FMN2: variants seen among roughly 807,000 people sequenced by gnomAD.
The protein encoded by FMN2 is formin-2.
FMN2 carries 51 observed loss-of-function variants against 142.3 expected under a neutral mutation model. That is an observed-to-expected ratio of 0.36 (90% CI 0.29 to 0.45). The LOEUF is 0.45. Among genes scored for constraint, FMN2 ranks in the 20% least tolerant of loss-of-function variants. FMN2 has a pLI of 1.00. For synonymous variants in FMN2, 882 were observed against 869.8 expected (o/e 1.01, Z -0.25); for missense variants, 1,936 against 2,122.8 (o/e 0.91, Z 1.73).
intron 14 of FMN2, among the ~76,000 whole-genome samples, chr1:240,359,799 C>T (rs1012547800): frequency 6.6e-6 from 1 of 152,188 alleles, no homozygotes; most frequent in Non-Finnish European, 1.5e-5. Flanking sequence ...TTCTGACGGC[C>T]ACCTGGCTTT....
At chr1:240,153,332 A>G (rs1663862639) in intron 2 of FMN2, among the ~76,000 whole-genome samples, 1 of 147,656 alleles carries the variant, frequency 6.8e-6, no homozygotes, top group African/African-American at 2.5e-5. Context: ...ATATCATCTC[A>G]TTTAATCTCA....
chr1:240,100,676 C>T (rs1473420690), intron 1 of FMN2, among the ~76,000 whole-genome samples: 1 of 152,142 alleles, frequency 6.6e-6, no homozygotes, highest in African/African-American at 2.4e-5. Context: ...TGTCTTCTTC[C>T]TTTGTAAAGA....
intron 1 of FMN2, among the ~76,000 whole-genome samples, chr1:240,113,089 C>T (rs1336624114): frequency 1.3e-5 from 2 of 152,074 alleles, no homozygotes; most frequent in Non-Finnish European, 2.9e-5. Flanking sequence ...CAATGATTTT[C>T]ATTTATTGGT....
chr1:240,393,848 A>T (rs1056343407), intron 15 of FMN2, among the ~76,000 whole-genome samples: 3 of 152,202 alleles, frequency 2.0e-5, no homozygotes, highest in Non-Finnish European at 4.4e-5. Context: ...AGTCTGTTAC[A>T]CAATAGTCTG....
intron 4 of FMN2, among the ~76,000 whole-genome samples, chr1:240,189,960 G>T (rs7544483): frequency 1.3e-5 from 2 of 151,918 alleles, no homozygotes; most frequent in Non-Finnish European, 2.9e-5. Context: ...TGTTCAGGAC[G>T]TATATGAATC....
chr1:240,180,227 A>G (rs767058166), intron 3 of FMN2: 256 of 1,220,570 alleles, frequency 2.1e-4, no homozygotes, highest in Middle Eastern at 1.1e-3. Context: ...TTGTTGATCT[A>G]TAAACCCCAG....
rs1340051038 is a variant in FMN2, at chr1:240,148,385, GAC to G, written c.1782+25042_1782+25043del. ...ACAGAGACAGAGAGAGAGAGAGAAAGACAGAGAGAAAGACAGAGAGACAGAGA... is the reference window on the plus strand; with the variant it reads ...ACAGAGACAGAGAGAGAGAGAGAAAGAGAGAGAAAGACAGAGAGACAGAGA... On this transcript the variant is annotated intron_variant, in intron 2 of 17. Coordinates refer to ENST00000319653, the MANE Select transcript of FMN2 (RefSeq NM_020066.5). Among the ~76,000 whole-genome samples the G allele has an allele frequency of 6.1e-3, 855 of 140,912 alleles. 12 individuals carry two copies. Among genetic ancestry groups the G allele is most frequent in the African/African-American group, 0.024 (811 of 34,314 alleles). The allele number at this position is 140,912 out of a possible 152,430, so 92.4% of individuals were successfully genotyped here. A position where few individuals can be genotyped will look rare whatever the true frequency, so the allele number is the denominator to read the frequency against.
intron 1 of FMN2, among the ~76,000 whole-genome samples, chr1:240,112,537 G>A (rs1189586231): frequency 6.6e-6 from 1 of 152,164 alleles, no homozygotes; most frequent in South Asian, 2.1e-4. Context: ...AGGAAAGGGA[G>A]CAGAAAGAGC....
At chr1:240,177,351 C>T (rs1664959202) in intron 2 of FMN2, among the ~76,000 whole-genome samples, 1 of 148,112 alleles carries the variant, frequency 6.8e-6, no homozygotes, top group African/African-American at 2.5e-5. Flanking sequence ...CAGAAGATCC[C>T]TATTCAATTC....
In FMN2 at chr1:240,371,123, T is replaced by C. The variant is rs866570288; in HGVS notation, c.4858+15215T>C. Among the ~76,000 whole-genome samples, 14 of 151,912 alleles carry C rather than the reference T, an allele frequency of 9.2e-5. No homozygotes were observed. The South Asian group carries it at 1.0e-3, about 11-fold the overall frequency. ...CCAGCTGATTTTTTTTTATTTTTTG[T>C]TTTTTGGTTTTTTTTTGGTAGAGAC... On this transcript the variant is annotated intron_variant, in intron 14 of 17. Transcript: ENST00000319653.
chr1:240,388,709 A>C (rs943497954), intron 14 of FMN2, among the ~76,000 whole-genome samples: 8 of 152,040 alleles, frequency 5.3e-5, no homozygotes, highest in Non-Finnish European at 1.0e-4. Flanking sequence ...TAAAACTACA[A>C]AAATTAGCTG....
intron 11 of FMN2, 77 bp downstream of exon 11, chr1:240,330,826 C>T: frequency 1.3e-6 from 2 of 1,510,562 alleles, no homozygotes; most frequent in Non-Finnish European, 1.8e-6. Context: ...GAATGTAAAG[C>T]AGTTGTAAAA....
At chr1:240,304,645 A>G (rs1670315988) in intron 8 of FMN2, among the ~76,000 whole-genome samples, 1 of 152,146 alleles carries the variant, frequency 6.6e-6, no homozygotes, top group Non-Finnish European at 1.5e-5. Flanking sequence ...CAGTGGGGGG[A>G]CAGAGGCTCA....
intron 7 of FMN2, among the ~76,000 whole-genome samples, chr1:240,258,345 T>C (rs943312616): frequency 1.3e-5 from 2 of 152,282 alleles, no homozygotes; most frequent in East Asian, 1.9e-4. Context: ...CTCACAGTTC[T>C]AGGAGGCTGA....
At chr1:240,274,829 AT>A (rs1362643503) in intron 7 of FMN2, among the ~76,000 whole-genome samples, 1 of 152,126 alleles carries the variant, frequency 6.6e-6, no homozygotes, top group Non-Finnish European at 1.5e-5. Flanking sequence ...GGACTCTAGG[AT>A]TATTGGCCTA....
intron 4 of FMN2, among the ~76,000 whole-genome samples, chr1:240,202,636 T>G (rs1479581955): frequency 3.9e-5 from 6 of 152,068 alleles, no homozygotes; most frequent in Admixed American, 3.9e-4. Flanking sequence ...CTATTTATTT[T>G]CCATTTTTGT....
rs111321263 is a variant in FMN2 at position 240,116,756 on chromosome 1, T to TAA, written c.1616-6412_1616-6411dup. Among the ~76,000 whole-genome samples the TAA allele has an allele frequency of 2.9e-3, 425 of 146,012 alleles. 2 individuals are homozygous for TAA. Among genetic ancestry groups the TAA allele is most frequent in the African/African-American group, 0.01 (407 of 40,110 alleles). ...GGGTGACAGAGGGAGACCTTATCTTTAAAAAAAAAAAATGGAAACAAAAAG... is the reference window on the plus strand; with the variant it reads ...GGGTGACAGAGGGAGACCTTATCTTTAAAAAAAAAAAAAATGGAAACAAAAAG... On this transcript the variant is annotated intron_variant, in intron 1 of 17. Transcript: ENST00000319653.
intron 7 of FMN2, among the ~76,000 whole-genome samples, chr1:240,270,516 C>T (rs1374720440): frequency 6.6e-6 from 1 of 152,032 alleles, no homozygotes; most frequent in Admixed American, 6.6e-5. Flanking sequence ...GCAACAGCAC[C>T]TCATTGGCTT....
chr1:240,248,913 G>C lies in FMN2; in HGVS notation c.4066-9032G>C, dbSNP rs112865793. Reference sequence around the variant, plus strand: ...TCCTCCTTAAAAAGTGGGCAAAGGAGATGAATTATTTATTTATTTATTTAC... The same window carrying C: ...TCCTCCTTAAAAAGTGGGCAAAGGACATGAATTATTTATTTATTTATTTAC... On this transcript the variant is annotated intron_variant, in intron 6 of 17. Coordinates refer to ENST00000319653, the MANE Select transcript of FMN2 (RefSeq NM_020066.5). 8.9e-3 allele frequency among the ~76,000 whole-genome samples: 1,353 copies of C among 152,022 alleles called. 24 individuals carry two copies. The highest frequency in any genetic ancestry group is 0.031 in the African/African-American group (1,269 of 41,514).
Sources: allele counts gnomAD v4.1 joint callset (sites outside exome capture counted in the v4.1 genomes callset), GRCh38; gene constraint gnomAD v4.1.1; transcripts MANE v1.5; gene names NCBI Gene and HGNC (gene_info 2026-07-23, HGNC 2026-07-21).